The following UBAP1 variants were observed in gnomAD, a reference collection of about 807,000 sequenced individuals.
The protein encoded by UBAP1 is ubiquitin-associated protein 1.
In UBAP1, 5 loss-of-function variants were observed where a neutral mutation model predicts 39.0. That is an observed-to-expected ratio of 0.13 (90% CI 0.07 to 0.27). The LOEUF (loss-of-function observed/expected upper bound fraction) is 0.27, where lower values mean the gene tolerates loss of function less well. UBAP1 is among the 10% of genes least tolerant of loss of function. UBAP1 has a pLI of 1.00. For missense variants in UBAP1, 490 were observed against 608.1 expected, an observed-to-expected ratio of 0.81 and a Z score of 2.04; for synonymous variants, 211 against 225.1, an observed-to-expected ratio of 0.94 and a Z score of 0.56.
intron 1 of UBAP1, among the ~76,000 whole-genome samples, chr9:34,207,048 CT>C (rs34197502): frequency 0.18 from 16,547 of 89,664 alleles, 866 homozygotes; most frequent in African/African-American, 0.26. Context: ...ATTGTTATTT[CT>C]TTTTTTTTTT....
intron 2 of UBAP1, 130 bp from the exon 3 acceptor site, chr9:34,234,086 C>A: frequency 1.1e-6 from 1 of 872,444 alleles, no homozygotes; most frequent in Non-Finnish European, 1.7e-6. Context: ...GGTAAGCAGT[C>A]AGAGAAGGAA....
At chr9:34,224,803 A>G (rs1378004844) in intron 2 of UBAP1, among the ~76,000 whole-genome samples, 4 of 152,222 alleles carry the variant, frequency 2.6e-5, no homozygotes, top group African/African-American at 9.6e-5. Flanking sequence ...CAAGGCTAAA[A>G]TTAGAAAGCC....
rs939433258 is a variant in UBAP1, at chr9:34,181,640, G to C, written c.-8+2400G>C. 2.0e-5 allele frequency among the ~76,000 whole-genome samples: 3 copies of C among 147,772 alleles called. No individual in the cohort carries two copies. The East Asian group carries it at 6.3e-4, about 31-fold the overall frequency. On this transcript the variant is annotated intron_variant, in intron 1 of 6. Coordinates refer to ENST00000297661, the MANE Select transcript of UBAP1 (RefSeq NM_016525.5). Reference sequence around the variant, plus strand: ...GTAGAGACGGGGTTTCACTGGGTTAGCCAGGATGGTCTCGATCTCCTGACC... The same window carrying C: ...GTAGAGACGGGGTTTCACTGGGTTACCCAGGATGGTCTCGATCTCCTGACC...
At chr9:34,181,574 G>C (rs1301132662) in intron 1 of UBAP1, among the ~76,000 whole-genome samples, 2 of 147,198 alleles carry the variant, frequency 1.4e-5, no homozygotes, top group Admixed American at 1.4e-4. Flanking sequence ...CTGGGACTAC[G>C]GGCTCCCGCC....
chr9:34,193,017 T>C (rs1208290318), intron 1 of UBAP1, among the ~76,000 whole-genome samples: 2 of 152,058 alleles, frequency 1.3e-5, no homozygotes, highest in African/African-American at 4.8e-5. Flanking sequence ...AAATACTGTG[T>C]AAGGGAGGGC....
chr9:34,185,187 G>A (rs1366037417), intron 1 of UBAP1, among the ~76,000 whole-genome samples: 1 of 152,126 alleles, frequency 6.6e-6, no homozygotes, highest in Non-Finnish European at 1.5e-5. Flanking sequence ...GCCTGCCTCG[G>A]CCTCCCAAAG....
At chr9:34,211,698 C>T (rs1374046541) in intron 1 of UBAP1, among the ~76,000 whole-genome samples, 1 of 152,084 alleles carries the variant, frequency 6.6e-6, no homozygotes, top group Non-Finnish European at 1.5e-5. Context: ...TCTCCTATCC[C>T]TGCCTCCTTC....
chr9:34,194,370 A>T (rs908545985), intron 1 of UBAP1, among the ~76,000 whole-genome samples: 2 of 150,498 alleles, frequency 1.3e-5, no homozygotes, highest in Admixed American at 6.6e-5. Flanking sequence ...GCTGGAGTGC[A>T]GTGGCACAAT....
At chr9:34,226,119 G>GTGTGTGTGTGTGTGTGTGTGTGTT (rs1563911152) in intron 2 of UBAP1, among the ~76,000 whole-genome samples, 1,969 of 97,362 alleles carry the variant, frequency 0.02, 48 homozygotes, top group Non-Finnish European at 0.031. Context: ...GTGTGTGTGT[G>GTGTGTGTGTGTGTGTGTGTGTGTT]TGTGTGTGTG....
At chr9:34,238,789 T>C (rs1254194389) in intron 3 of UBAP1, among the ~76,000 whole-genome samples, 1 of 152,216 alleles carries the variant, frequency 6.6e-6, no homozygotes, top group Non-Finnish European at 1.5e-5. Flanking sequence ...ATGATACTAT[T>C]AGCAATATGA....
chr9:34,221,326 G>A (rs1166069447), intron 2 of UBAP1, among the ~76,000 whole-genome samples: 8 of 151,876 alleles, frequency 5.3e-5, no homozygotes, highest in African/African-American at 1.9e-4. Context: ...TCAGGAGATC[G>A]AGACCATCCT....
chr9:34,230,926 C>T (rs1833372418), intron 2 of UBAP1, among the ~76,000 whole-genome samples: 1 of 151,850 alleles, frequency 6.6e-6, no homozygotes, highest in East Asian at 1.9e-4. Flanking sequence ...GCTTGTAATC[C>T]CAGCAATTTG....
chr9:34,224,377 G>A (rs1469659367), intron 2 of UBAP1: 17 of 435,580 alleles, frequency 3.9e-5, no homozygotes, highest in Non-Finnish European at 3.9e-5. Flanking sequence ...GTTATTAAAC[G>A]CATTGTAGAC....
At chr9:34,240,306 C>T (rs1833895876) in intron 3 of UBAP1, among the ~76,000 whole-genome samples, 1 of 152,158 alleles carries the variant, frequency 6.6e-6, no homozygotes. Flanking sequence ...TGAGTATGAC[C>T]AGGGGCTCTT....
At chr9:34,225,023 T>G (rs945372386) in intron 2 of UBAP1, among the ~76,000 whole-genome samples, 1 of 152,218 alleles carries the variant, frequency 6.6e-6, no homozygotes, top group African/African-American at 2.4e-5. Context: ...ATCATAGAGA[T>G]AGAGATTTTA....
chr9:34,229,260 CTTTTTT>C (rs1263815683), intron 2 of UBAP1, among the ~76,000 whole-genome samples: 1 of 141,478 alleles, frequency 7.1e-6, no homozygotes, highest in African/African-American at 2.6e-5. Context: ...GGATTTTTAT[CTTTTTT>C]TTTTTTTTTG....
intron 1 of UBAP1, among the ~76,000 whole-genome samples, chr9:34,184,321 TC>T (rs1462935610): frequency 6.6e-6 from 1 of 150,704 alleles, no homozygotes; most frequent in Admixed American, 6.6e-5. Flanking sequence ...ACACTTTCTT[TC>T]CTTTTTTTTT....
At chr9:34,244,177 C>A (rs973103213) in intron 4 of UBAP1, among the ~76,000 whole-genome samples, 1 of 152,052 alleles carries the variant, frequency 6.6e-6, no homozygotes, top group Non-Finnish European at 1.5e-5. Context: ...ACCTATTAAC[C>A]ACCAGCCCCC....
chr9:34,231,518 T>C (rs1833415929), intron 2 of UBAP1, among the ~76,000 whole-genome samples: 1 of 150,292 alleles, frequency 6.7e-6, no homozygotes, highest in South Asian at 2.1e-4. Flanking sequence ...CAAAAGCATG[T>C]CTTTATTATT....
Sources: gnomAD v4.1 joint callset for allele counts (sites outside exome capture counted in the v4.1 genomes callset) on GRCh38, gnomAD v4.1.1 for gene constraint, MANE v1.5 for transcripts, NCBI Gene and HGNC (gene_info 2026-07-23, HGNC 2026-07-21) for gene names.